Variants in DCP2 observed in about 807,000 individuals in gnomAD.
DCP2 encodes decapping mRNA 2, also known as m7GpppN-mRNA hydrolase.
In DCP2, 30 loss-of-function variants were observed where a neutral mutation model predicts 56.1. The observed-to-expected ratio is 0.53, with a 90% CI of 0.40 to 0.73. DCP2 has a LOEUF of 0.73. Ranked by LOEUF, DCP2 falls within the 30% of genes least tolerant of loss-of-function variation. The probability of loss-of-function intolerance (pLI) is 0.00; values close to 1 mark genes in which losing one functional copy is unlikely to be tolerated. For synonymous variants in DCP2, 197 were observed against 163.3 expected, an observed-to-expected ratio of 1.21 and a Z score of -1.57; for missense variants, 533 against 502.7, an observed-to-expected ratio of 1.06 and a Z score of -0.58.
intron 9 of DCP2, among the ~76,000 whole-genome samples, chr5:113,010,376 TTTTTATG>T (rs1749630880): frequency 6.6e-6 from 1 of 152,044 alleles, no homozygotes; most frequent in Non-Finnish European, 1.5e-5. Flanking sequence ...CCCTGGCTGA[TTTTTATG>T]TTTTATAAAT....
chr5:113,005,145 C>CGTGTGGGTGT (rs1554101187), intron 8 of DCP2, among the ~76,000 whole-genome samples: 2 of 5,578 alleles, frequency 3.6e-4, no homozygotes, highest in African/African-American at 1.1e-3. Context: ...AAAAAGTGTG[C>CGTGTGGGTGT]GTGTGGGTGT....
At chr5:113,010,728 TGTGTGTG>T (rs1749646937) in intron 9 of DCP2, 21 bp from the exon 10 acceptor site, 1 of 1,484,908 alleles carries the variant, frequency 6.7e-7, no homozygotes. Flanking sequence ...TATGTGTGTG[TGTGTGTG>T]TTTTTTTTTT....
At chr5:113,009,277 A>G (rs1360339794) in intron 9 of DCP2, among the ~76,000 whole-genome samples, 1 of 152,266 alleles carries the variant, frequency 6.6e-6, no homozygotes, top group Non-Finnish European at 1.5e-5. Flanking sequence ...ACATTTGTCT[A>G]GAAGAACTTT....
At chr5:113,004,210 C>A in intron 8 of DCP2, 133 bp downstream of exon 8, 2 of 1,042,900 alleles carry the variant, frequency 1.9e-6, no homozygotes, top group Non-Finnish European at 2.7e-6. Flanking sequence ...ATGTTCCTTA[C>A]TTATGATTTG....
At chr5:112,999,974 T>C (rs990038297) in intron 4 of DCP2, among the ~76,000 whole-genome samples, 3 of 148,272 alleles carry the variant, frequency 2.0e-5, no homozygotes, top group Non-Finnish European at 4.4e-5. Flanking sequence ...GGCAGGAGAA[T>C]TGCTTGAAAC....
chr5:113,004,927 G>T (rs1027519158), intron 8 of DCP2, among the ~76,000 whole-genome samples: 5 of 151,678 alleles, frequency 3.3e-5, no homozygotes, highest in African/African-American at 1.2e-4. Context: ...ATAAGTTCGA[G>T]ATCAGCCCCG....
Position 113,013,661 on chromosome 5 carries a change from A to T in DCP2, c.*177A>T, listed in dbSNP as rs1749770888. Reference sequence around the variant, plus strand: ...AAACACGAGTTTGCACTGTAAATGCAGTTATAACCTTTTATACAGATTTAC... The same window carrying T: ...AAACACGAGTTTGCACTGTAAATGCTGTTATAACCTTTTATACAGATTTAC... On this transcript the variant is annotated 3_prime_UTR_variant, in exon 11 of 11. Transcript: ENST00000389063. 2 of 687,258 alleles carry T rather than the reference A, an allele frequency of 2.9e-6. No homozygotes were observed. The highest frequency in any genetic ancestry group is 4.7e-6 in the Non-Finnish European group (2 of 422,138). The allele number at this position is 687,258 out of a possible 1,614,324, so 42.6% of individuals were successfully genotyped here. A position where few individuals can be genotyped will look rare whatever the true frequency, so the allele number is the denominator to read the frequency against.
intron 2 of DCP2, among the ~76,000 whole-genome samples, chr5:112,988,831 G>T (rs1358036466): frequency 6.6e-6 from 1 of 152,142 alleles, no homozygotes; most frequent in Non-Finnish European, 1.5e-5. Flanking sequence ...CTTTTGCTTT[G>T]GTCATTTTGT....
chr5:113,000,410 A>ACCCACACCCACACC (rs1561697546), intron 4 of DCP2, among the ~76,000 whole-genome samples: 2,537 of 103,448 alleles, frequency 0.025, 88 homozygotes, highest in African/African-American at 0.083. Flanking sequence ...ACACACACAC[A>ACCCACACCCACACC]CACACACACA....
intron 1 of DCP2, among the ~76,000 whole-genome samples, chr5:112,982,295 C>G (rs1426743529): frequency 6.6e-6 from 1 of 152,106 alleles, no homozygotes; most frequent in Non-Finnish European, 1.5e-5. Flanking sequence ...TTAGACTGCA[C>G]TCTTGGGGAC....
At chr5:112,991,976 G>C (rs781513385) in intron 2 of DCP2, 145 bp from the exon 3 acceptor site, 5 of 1,167,322 alleles carry the variant, frequency 4.3e-6, no homozygotes, top group Non-Finnish European at 6.0e-6. Flanking sequence ...GAGCCATGGT[G>C]CCTGGCCAAA....
At chr5:112,978,763 G>A (rs1184546483) in intron 1 of DCP2, among the ~76,000 whole-genome samples, 2 of 151,612 alleles carry the variant, frequency 1.3e-5, no homozygotes, top group Admixed American at 1.3e-4. Flanking sequence ...ACCAATAGTG[G>A]GATTATGAGA....
chr5:112,994,381 G>A (rs747704819), intron 4 of DCP2, among the ~76,000 whole-genome samples: 38 of 150,704 alleles, frequency 2.5e-4, no homozygotes, highest in African/African-American at 3.4e-4. Context: ...TGTGTTGCCC[G>A]GGCTGGTCTT....
At chr5:112,977,157 C>T (rs191081267) in intron 1 of DCP2, among the ~76,000 whole-genome samples, 171 bp downstream of exon 1, 20 of 152,342 alleles carry the variant, frequency 1.3e-4, no homozygotes, top group South Asian at 4.1e-4. Context: ...GCCCCTCTTT[C>T]CGCCGCAGCC....
In DCP2 at chr5:113,016,015, G is replaced by A. The variant is rs1277830561; in HGVS notation, c.*2531G>A. On this transcript the variant is annotated 3_prime_UTR_variant, in exon 11 of 11. Transcript: ENST00000389063. ...TGTCTTTGAGAGAGATACAGGTCTT[G>A]GAATTCACTTTTTAAATGTTACGTT... 2 of 152,562 alleles carry A rather than the reference G, an allele frequency of 1.3e-5. No individual in the cohort carries two copies. Among genetic ancestry groups the A allele is most frequent in the Non-Finnish European group, 2.9e-5 (2 of 68,012 alleles). 9.5% of individuals were successfully genotyped at this position (152,562 alleles called of 1,614,324 possible). A position where few individuals can be genotyped will look rare whatever the true frequency, so the allele number is the denominator to read the frequency against.
intron 8 of DCP2, among the ~76,000 whole-genome samples, chr5:113,007,035 G>A (rs1255350256): frequency 6.6e-6 from 1 of 152,018 alleles, no homozygotes; most frequent in Non-Finnish European, 1.5e-5. Context: ...CTGCTTGGGA[G>A]GCTGAGGCAG....
At chr5:112,977,685 T>C (rs1747782992) in intron 1 of DCP2, among the ~76,000 whole-genome samples, 1 of 152,198 alleles carries the variant, frequency 6.6e-6, no homozygotes, top group Non-Finnish European at 1.5e-5. Context: ...TGAGAAATTT[T>C]CTGCATTCTT....
At chr5:112,988,648 A>G (rs1325682096) in intron 2 of DCP2, among the ~76,000 whole-genome samples, 1 of 152,212 alleles carries the variant, frequency 6.6e-6, no homozygotes, top group Non-Finnish European at 1.5e-5. Context: ...GAAATGATCA[A>G]ACCGTTTGAT....
chr5:112,996,422 A>G (rs1314765273), intron 4 of DCP2, among the ~76,000 whole-genome samples: 1 of 151,716 alleles, frequency 6.6e-6, no homozygotes, highest in African/African-American at 2.4e-5. Flanking sequence ...TTTTTCTTGC[A>G]TTTAAGTTAC....
Sources: allele counts gnomAD v4.1 joint callset (sites outside exome capture counted in the v4.1 genomes callset), GRCh38; gene constraint gnomAD v4.1.1; transcripts MANE v1.5; gene names NCBI Gene and HGNC (gene_info 2026-07-23, HGNC 2026-07-21).